The following AGMO variants were observed in gnomAD, a reference collection of about 807,000 sequenced individuals.
AGMO encodes glyceryl-ether monooxygenase.
In AGMO, 75 loss-of-function variants were observed where a neutral mutation model predicts 60.2. The ratio of observed to expected loss-of-function variants is 1.25; its 90% CI spans 1.03 to 1.51. AGMO has a LOEUF of 1.51. AGMO is among the 40% of genes most tolerant of loss of function. AGMO has a pLI of 0.00. For synonymous variants in AGMO, 261 were observed against 177.1 expected (o/e 1.47, Z -3.76); for missense variants, 763 against 525.5 (o/e 1.45, Z -4.42).
chr7:15,361,505 G>GCTCCAGC (rs1782754672), intron 12 of AGMO, among the ~76,000 whole-genome samples: 1 of 123,936 alleles, frequency 8.1e-6, no homozygotes, highest in Non-Finnish European at 1.6e-5. Context: ...GCGCCACTGT[G>GCTCCAGC]CTCCAGCCTG....
intron 12 of AGMO, among the ~76,000 whole-genome samples, chr7:15,228,904 A>C (rs1782169091): frequency 6.6e-6 from 1 of 152,234 alleles, no homozygotes; most frequent in Non-Finnish European, 1.5e-5. Flanking sequence ...TGGTCCAATC[A>C]AAATTGCATA....
At chr7:15,556,329 T>C (rs547458357) in intron 2 of AGMO, among the ~76,000 whole-genome samples, 2 of 151,254 alleles carry the variant, frequency 1.3e-5, no homozygotes, top group African/African-American at 4.8e-5. Flanking sequence ...TTGAACATTG[T>C]GGAGCTAGCT....
chr7:15,430,328 C>G (rs1157673210), intron 4 of AGMO, among the ~76,000 whole-genome samples: 2 of 151,786 alleles, frequency 1.3e-5, no homozygotes, highest in African/African-American at 4.8e-5. Flanking sequence ...TTCTAGCTCA[C>G]TGTTCAACAT....
chr7:15,461,881 G>A (rs1227648519), intron 3 of AGMO, among the ~76,000 whole-genome samples: 1 of 152,022 alleles, frequency 6.6e-6, no homozygotes, highest in Non-Finnish European at 1.5e-5. Context: ...AAGGACCAGA[G>A]ATTCAATGTC....
the AGMO span, among the ~76,000 whole-genome samples, chr7:15,135,031 T>A: frequency 2.0e-4 from 30 of 151,776 alleles, no homozygotes; most frequent in Non-Finnish European, 3.2e-4. Flanking sequence ...ATTCCAGGAA[T>A]AAATTATTTG....
intron 3 of AGMO, among the ~76,000 whole-genome samples, chr7:15,531,596 C>CTATATATATATTCTATATATATTCTA (rs1784363075): frequency 2.0e-5 from 2 of 102,472 alleles, no homozygotes; most frequent in Non-Finnish European, 3.8e-5. Context: ...TATATATATT[C>CTATATATATATTCTATATATATTCTA]TATATATATA....
chr7:15,230,859 C>G (rs930253080), intron 12 of AGMO, among the ~76,000 whole-genome samples: 1 of 152,150 alleles, frequency 6.6e-6, no homozygotes, highest in African/African-American at 2.4e-5. Context: ...AGTACCTCTG[C>G]TCATCCCATT....
the AGMO span, among the ~76,000 whole-genome samples, chr7:15,137,975 C>T: frequency 6.6e-6 from 1 of 152,142 alleles, no homozygotes; most frequent in Non-Finnish European, 1.5e-5. Context: ...GTCTACAACA[C>T]TCTCTGGCCC....
chr7:15,347,069 A>G (rs1782060411), intron 12 of AGMO, among the ~76,000 whole-genome samples: 2 of 152,020 alleles, frequency 1.3e-5, no homozygotes, highest in South Asian at 4.1e-4. Context: ...TGTAGGTACT[A>G]CATTAAAATG....
the AGMO span, among the ~76,000 whole-genome samples, chr7:15,175,261 T>C: frequency 1.3e-5 from 2 of 151,868 alleles, no homozygotes; most frequent in African/African-American, 4.8e-5. Context: ...GATGTCAGTA[T>C]CAAAAAAGAA....
the AGMO span, among the ~76,000 whole-genome samples, chr7:15,132,318 T>G: frequency 6.6e-6 from 1 of 152,178 alleles, no homozygotes. Flanking sequence ...GGATTCAGTT[T>G]TTATGAAGCT....
chr7:15,137,232 ATTCTT>A, the AGMO span, among the ~76,000 whole-genome samples: 1 of 152,176 alleles, frequency 6.6e-6, no homozygotes, highest in Non-Finnish European at 1.5e-5. Context: ...AGCTTTGCAT[ATTCTT>A]TTCATCAATG....
At chr7:15,454,432 AAT>A (rs1265081535) in intron 3 of AGMO, among the ~76,000 whole-genome samples, 1 of 152,026 alleles carries the variant, frequency 6.6e-6, no homozygotes, top group Non-Finnish European at 1.5e-5. Context: ...CAGATATGTT[AAT>A]TAGTTTGACT....
At chr7:15,376,586 G>A (rs1223875749) in intron 10 of AGMO, among the ~76,000 whole-genome samples, 3 of 151,966 alleles carry the variant, frequency 2.0e-5, no homozygotes, top group Admixed American at 2.0e-4. Context: ...AAATGTATCT[G>A]CAGTAACTTT....
At chr7:15,179,212 T>C in the AGMO span, among the ~76,000 whole-genome samples, 54,852 of 151,850 alleles carry the variant, frequency 0.36, 10,876 homozygotes, top group Middle Eastern at 0.46. Context: ...GCCATCACAA[T>C]AGCCCAAAAA....
At chr7:15,229,722 AT>A (rs564466907) in intron 12 of AGMO, among the ~76,000 whole-genome samples, 31 of 121,238 alleles carry the variant, frequency 2.6e-4, no homozygotes, top group African/African-American at 1.4e-3. Context: ...ATTATATTAT[AT>A]ATAAATTATA....
intron 12 of AGMO, among the ~76,000 whole-genome samples, chr7:15,332,378 C>G (rs1034412874): frequency 2.0e-5 from 3 of 152,110 alleles, no homozygotes; most frequent in Non-Finnish European, 4.4e-5. Flanking sequence ...AACATGGAGA[C>G]TAAAGGTCTG....
At chr7:15,145,860 T>C in the AGMO span, among the ~76,000 whole-genome samples, 1 of 152,110 alleles carries the variant, frequency 6.6e-6, no homozygotes, top group Non-Finnish European at 1.5e-5. Flanking sequence ...ATTAGAAAAC[T>C]CTAATTTCAT....
chr7:15,431,135 C>T, intron 3 of AGMO, 27 bp from the exon 4 acceptor site: 1 of 1,539,070 alleles, frequency 6.5e-7, no homozygotes, highest in East Asian at 2.3e-5. Flanking sequence ...TTGCAATGAG[C>T]CATGAGAATA....
Sources: allele counts gnomAD v4.1 joint callset (sites outside exome capture counted in the v4.1 genomes callset), GRCh38; gene constraint gnomAD v4.1.1; transcripts MANE v1.5; gene names NCBI Gene and HGNC (gene_info 2026-07-23, HGNC 2026-07-21).